FANCI: variants seen among roughly 807,000 people sequenced by gnomAD.
FANCI encodes Fanconi anemia group I protein.
In FANCI, 156 loss-of-function variants were observed where a neutral mutation model predicts 176.1. The ratio of observed to expected loss-of-function variants is 0.89; its 90% CI spans 0.78 to 1.01. FANCI has a LOEUF of 1.01. Among genes scored for constraint, FANCI ranks in the 50% least tolerant of loss-of-function variants. The pLI is 0.00. For synonymous variants in FANCI, 613 were observed against 541.7 expected (o/e 1.13, Z -1.83); for missense variants, 1,678 against 1,534.1 (o/e 1.09, Z -1.57).
chr15:89,315,221 T>A, intron 36 of FANCI, 61 bp from the exon 37 acceptor site: 1 of 1,277,966 alleles, frequency 7.8e-7, no homozygotes, highest in Non-Finnish European at 1.1e-6. Flanking sequence ...AAAAATGGCT[T>A]AAGCTGTTCT....
chr15:89,272,918 C>CA (rs2053253869), intron 10 of FANCI, among the ~76,000 whole-genome samples: 1 of 152,132 alleles, frequency 6.6e-6, no homozygotes, highest in Non-Finnish European at 1.5e-5. Flanking sequence ...CCACCTGCCT[C>CA]AGTCTCCCAA....
chr15:89,249,494 T>C (rs1220203269), intron 2 of FANCI, among the ~76,000 whole-genome samples: 5 of 152,104 alleles, frequency 3.3e-5, no homozygotes, highest in Non-Finnish European at 5.9e-5. Context: ...AGTACAAGCA[T>C]GTGCCACCAT....
intron 28 of FANCI, among the ~76,000 whole-genome samples, chr15:89,304,492 C>T (rs911261090): frequency 1.3e-5 from 2 of 152,202 alleles, no homozygotes; most frequent in Non-Finnish European, 2.9e-5. Context: ...GTCAGGATAG[C>T]AGTTTCCTTG....
At chr15:89,316,186 A>G in intron 37 of FANCI, 1 of 596,592 alleles carries the variant, frequency 1.7e-6, no homozygotes, top group Admixed American at 3.0e-5. Context: ...AAAAGTCCTA[A>G]AAGGAGGTGC....
At chr15:89,298,517 A>C (rs1199862310) in intron 24 of FANCI, among the ~76,000 whole-genome samples, 3 of 152,254 alleles carry the variant, frequency 2.0e-5, no homozygotes, top group Non-Finnish European at 4.4e-5. Flanking sequence ...AGTGATTTAA[A>C]AATCTCAGAT....
chr15:89,257,599 A>G (rs1362724191), intron 2 of FANCI, among the ~76,000 whole-genome samples: 1 of 151,342 alleles, frequency 6.6e-6, no homozygotes, highest in African/African-American at 2.5e-5. Flanking sequence ...TCCCCTTTTT[A>G]TAAGGGCATT....
chr15:89,260,583 C>T, intron 3 of FANCI, 130 bp from the exon 4 acceptor site: 15 of 1,223,200 alleles, frequency 1.2e-5, no homozygotes, highest in Non-Finnish European at 1.8e-5. Context: ...CATTGCTGTT[C>T]TAAGCACCGT....
At chr15:89,305,580 C>T (rs1596325047) in intron 30 of FANCI, 25 bp from the exon 31 acceptor site, 4 of 1,611,918 alleles carry the variant, frequency 2.5e-6, no homozygotes, top group African/African-American at 1.3e-5. Flanking sequence ...TGTAGTGAAT[C>T]ACACCAGGCA....
Position 89,292,671 on chromosome 15 carries a change from C to G in FANCI, c.1993-17C>G, listed in dbSNP as rs772486167. On this transcript the variant is annotated splice_polypyrimidine_tract_variant and intron_variant, in intron 20 of 37. Coordinates refer to ENST00000310775, the MANE Select transcript of FANCI (RefSeq NM_001113378.2). Reference sequence around the variant, plus strand: ...TCAACACTCAAGAGTATTTAATTTACTTATTTTCTCCTACAGGATTATCTG... The same window carrying G: ...TCAACACTCAAGAGTATTTAATTTAGTTATTTTCTCCTACAGGATTATCTG... 4 of 1,611,780 alleles carry G rather than the reference C, an allele frequency of 2.5e-6. No individual in the cohort carries two copies. Among genetic ancestry groups the G allele is most frequent in the Admixed American group, 3.3e-5 (2 of 60,012 alleles).
intron 9 of FANCI, among the ~76,000 whole-genome samples, chr15:89,266,321 C>G (rs887943641): frequency 1.3e-5 from 2 of 150,740 alleles, no homozygotes; most frequent in Non-Finnish European, 3.0e-5. Flanking sequence ...ACCACTATGC[C>G]TGGCTAATTT....
At chr15:89,312,589 G>A (rs1294961528) in intron 34 of FANCI, among the ~76,000 whole-genome samples, 2 of 152,192 alleles carry the variant, frequency 1.3e-5, no homozygotes, top group African/African-American at 2.4e-5. Flanking sequence ...GGAGGCTGAG[G>A]CCGGCAGATC....
intron 24 of FANCI, among the ~76,000 whole-genome samples, chr15:89,296,887 C>T (rs1596311135): frequency 2.7e-5 from 4 of 147,916 alleles, no homozygotes; most frequent in African/African-American, 9.9e-5. Flanking sequence ...GGCCCCTCAC[C>T]TCCCGGACGG....
chr15:89,257,367 A>C (rs2052541574), intron 2 of FANCI, among the ~76,000 whole-genome samples: 1 of 152,184 alleles, frequency 6.6e-6, no homozygotes, highest in East Asian at 1.9e-4. Context: ...GGGTAGCTTA[A>C]ATAGCAGCAA....
rs1381172486 is a variant in FANCI, at chr15:89,260,921, A to C, written c.288+78A>C. ...AATTTGTTGAGGGAAGGAAAACTTA[A>C]GTGCCCAACCTAGCATAGTCCTTAT... On this transcript the variant is annotated intron_variant, in intron 4 of 37. Transcript: ENST00000310775. 40 of 1,556,888 alleles carry C rather than the reference A, an allele frequency of 2.6e-5. 1 individual carries two copies. The South Asian group carries it at 4.2e-4, about 17-fold the overall frequency.
chr15:89,307,999 T>C (rs1196525072), intron 34 of FANCI: 15 of 1,246,112 alleles, frequency 1.2e-5, no homozygotes, highest in Non-Finnish European at 1.5e-5. Flanking sequence ...CCTCTGGGAA[T>C]GTGAGCAGAG....
chr15:89,266,550 A>G (rs2052972150), intron 9 of FANCI, among the ~76,000 whole-genome samples: 2 of 151,908 alleles, frequency 1.3e-5, no homozygotes, highest in African/African-American at 4.8e-5. Flanking sequence ...GCTGGTCTCG[A>G]ACTCCTGACC....
chr15:89,300,409 G>T (rs745901096), intron 26 of FANCI, 24 bp downstream of exon 26: 4 of 1,602,982 alleles, frequency 2.5e-6, no homozygotes, highest in Admixed American at 3.3e-5. Flanking sequence ...CAAAGCTGCT[G>T]TACTGGCCTG....
At chr15:89,287,918 C>A (rs1266493898) in intron 18 of FANCI, among the ~76,000 whole-genome samples, 1 of 151,748 alleles carries the variant, frequency 6.6e-6, no homozygotes, top group East Asian at 1.9e-4. Context: ...TGTCAAAGAT[C>A]ATTTATCATA....
In FANCI at chr15:89,281,151, T is replaced by C. The variant is rs776123289; in HGVS notation, c.1382-19T>C. On this transcript the variant is annotated intron_variant, in intron 14 of 37. Coordinates refer to ENST00000310775, the MANE Select transcript of FANCI (RefSeq NM_001113378.2). ...TCTTTAGTTATTTGAGACAACTGAT[T>C]ATAGATTCTGTTTTTCAGACCTGCT... The C allele has an allele frequency of 2.5e-5, 41 of 1,612,180 alleles. No individual in the cohort carries two copies. In the South Asian group the frequency reaches 2.7e-4, roughly 11 times the overall value.
Sources: allele counts gnomAD v4.1 joint callset (sites outside exome capture counted in the v4.1 genomes callset), GRCh38; gene constraint gnomAD v4.1.1; transcripts MANE v1.5; gene names NCBI Gene and HGNC (gene_info 2026-07-23, HGNC 2026-07-21).